Variants in LARGE1 observed in about 807,000 individuals in gnomAD.
LARGE1 encodes LARGE xylosyl- and glucuronyltransferase 1, also known as xylosyl- and glucuronyltransferase LARGE1.
In LARGE1, 43 loss-of-function variants were observed where a neutral mutation model predicts 87.6. The observed-to-expected ratio is 0.49, with a 90% CI of 0.38 to 0.63. The LOEUF is 0.63. LARGE1 is among the 30% of genes least tolerant of loss of function. LARGE1 has a pLI of 0.00. For synonymous variants in LARGE1, 434 were observed against 394.6 expected (o/e 1.10, Z -1.18); for missense variants, 802 against 1,000.2 (o/e 0.80, Z 2.67).
At chr22:33,134,549 G>A in the LARGE1 span, among the ~76,000 whole-genome samples, 4 of 152,128 alleles carry the variant, frequency 2.6e-5, no homozygotes, top group Non-Finnish European at 4.4e-5. Flanking sequence ...GAGCCACAGC[G>A]CCCGGCCAAG....
the LARGE1 span, among the ~76,000 whole-genome samples, chr22:33,150,248 T>C: frequency 6.6e-6 from 1 of 152,146 alleles, no homozygotes; most frequent in Admixed American, 6.5e-5. Context: ...CCACACATAG[T>C]TATATTTCTT....
intron 6 of LARGE1, among the ~76,000 whole-genome samples, chr22:33,457,230 C>A (rs1265507556): frequency 1.3e-5 from 2 of 149,722 alleles, no homozygotes; most frequent in Admixed American, 1.3e-4. Flanking sequence ...CAAGTTCAAG[C>A]GATTCTTGTG....
chr22:33,424,188 G>A (rs1347212805), intron 7 of LARGE1, among the ~76,000 whole-genome samples: 1 of 152,230 alleles, frequency 6.6e-6, no homozygotes. Flanking sequence ...GGGCCCTGAG[G>A]TTGACATTTT....
chr22:33,793,981 C>G (rs908728260), intron 1 of LARGE1, among the ~76,000 whole-genome samples: 2 of 152,004 alleles, frequency 1.3e-5, no homozygotes, highest in African/African-American at 2.4e-5. Context: ...TTCTATAGAG[C>G]CTCTGTCTCC....
At chr22:33,864,928 C>T (rs1002969807) in intron 1 of LARGE1, among the ~76,000 whole-genome samples, 1 of 152,210 alleles carries the variant, frequency 6.6e-6, no homozygotes, top group African/African-American at 2.4e-5. Context: ...ATGTCTCTCT[C>T]GATCACCTTT....
chr22:33,696,967 T>C (rs998220219), intron 2 of LARGE1, among the ~76,000 whole-genome samples: 1 of 152,120 alleles, frequency 6.6e-6, no homozygotes, highest in African/African-American at 2.4e-5. Flanking sequence ...TAGGATTGCC[T>C]TAAATATTTC....
At chr22:33,214,213 G>A (rs371761190) in intron 11 of LARGE1, among the ~76,000 whole-genome samples, 1 of 152,154 alleles carries the variant, frequency 6.6e-6, no homozygotes, top group South Asian at 2.1e-4. Context: ...TGTTTACATG[G>A]TTCCTTTCTT....
chr22:33,471,655 G>C (rs2068847353), intron 6 of LARGE1, among the ~76,000 whole-genome samples: 1 of 152,164 alleles, frequency 6.6e-6, no homozygotes, highest in Non-Finnish European at 1.5e-5. Flanking sequence ...CTTCCACTCA[G>C]AGAGGTGTAG....
intron 1 of LARGE1, among the ~76,000 whole-genome samples, chr22:33,835,738 G>C (rs2063092447): frequency 6.6e-6 from 1 of 152,166 alleles, no homozygotes. Context: ...CTTTAAAATA[G>C]GGGAAATTGA....
At chr22:33,417,286 A>G (rs995142302) in intron 7 of LARGE1, among the ~76,000 whole-genome samples, 1 of 152,208 alleles carries the variant, frequency 6.6e-6, no homozygotes, top group African/African-American at 2.4e-5. Flanking sequence ...CTAAATGGGC[A>G]GCCGGCAGGA....
intron 10 of LARGE1, among the ~76,000 whole-genome samples, chr22:33,318,908 G>T (rs919850744): frequency 6.6e-6 from 1 of 152,082 alleles, no homozygotes; most frequent in Admixed American, 6.6e-5. Context: ...TTCCAAGAAG[G>T]TGTACTTTTT....
At chr22:33,457,293 C>CTTTTTTTTTT (rs759460321) in intron 6 of LARGE1, among the ~76,000 whole-genome samples, 11 of 74,932 alleles carry the variant, frequency 1.5e-4, no homozygotes, top group African/African-American at 3.9e-4. Context: ...ACGCCTGGCT[C>CTTTTTTTTTT]TTTTTTTTTT....
intron 1 of LARGE1, among the ~76,000 whole-genome samples, chr22:33,769,737 G>A (rs2085008631): frequency 6.6e-6 from 1 of 152,136 alleles, no homozygotes; most frequent in Non-Finnish European, 1.5e-5. Flanking sequence ...CTAAATCACT[G>A]CTTCCCCTAA....
At chr22:33,207,564 C>T (rs1274498668) in intron 11 of LARGE1, among the ~76,000 whole-genome samples, 1 of 152,202 alleles carries the variant, frequency 6.6e-6, no homozygotes, top group African/African-American at 2.4e-5. Context: ...ACTGGCAAGA[C>T]AAGCTCGATA....
At chr22:33,761,777 C>G (rs2084740894) in intron 1 of LARGE1, among the ~76,000 whole-genome samples, 1 of 151,954 alleles carries the variant, frequency 6.6e-6, no homozygotes, top group African/African-American at 2.4e-5. Context: ...CGCTCTCTCA[C>G]ACACACACAC....
chr22:33,136,032 C>T, the LARGE1 span, among the ~76,000 whole-genome samples: 78 of 152,094 alleles, frequency 5.1e-4, no homozygotes, highest in Middle Eastern at 3.4e-3. Context: ...TTGTTTCCTC[C>T]TCCTCTATTG....
At chr22:33,184,332 C>A (rs998204988) in intron 11 of LARGE1, among the ~76,000 whole-genome samples, 1 of 150,850 alleles carries the variant, frequency 6.6e-6, no homozygotes, top group Non-Finnish European at 1.5e-5. Flanking sequence ...AAATACTACA[C>A]TTCCAAACAA....
chr22:33,722,246 G>T (rs969528181), intron 2 of LARGE1, among the ~76,000 whole-genome samples: 4 of 145,356 alleles, frequency 2.8e-5, no homozygotes, highest in Non-Finnish European at 4.5e-5. Flanking sequence ...GAAAGGAAGG[G>T]AGGAAGAGGG....
At chr22:33,545,473 G>A (rs758001028) in intron 6 of LARGE1, among the ~76,000 whole-genome samples, 3 of 146,630 alleles carry the variant, frequency 2.0e-5, no homozygotes, top group African/African-American at 7.8e-5. Flanking sequence ...TTGGAGTCTC[G>A]CTCTGTTGCC....
Sources: allele counts gnomAD v4.1 joint callset (sites outside exome capture counted in the v4.1 genomes callset), GRCh38; gene constraint gnomAD v4.1.1; transcripts MANE v1.5; gene names NCBI Gene and HGNC (gene_info 2026-07-23, HGNC 2026-07-21).